The following CSMD1 variants were observed in gnomAD, a reference collection of about 807,000 sequenced individuals.
The protein encoded by CSMD1 is CUB and Sushi multiple domains 1.
In CSMD1, 213 loss-of-function variants were observed where a neutral mutation model predicts 417.5. The observed-to-expected ratio is 0.51, with a 90% CI of 0.46 to 0.57. The LOEUF is 0.57. Among genes scored for constraint, CSMD1 ranks in the 20% least tolerant of loss-of-function variants. CSMD1 has a pLI of 0.00. For missense variants in CSMD1, 6,923 were observed against 4,529.7 expected (o/e 1.53, Z -15.17); for synonymous variants, 2,862 against 1,736.8 (o/e 1.65, Z -16.11).
intron 3 of CSMD1, among the ~76,000 whole-genome samples, chr8:4,094,905 T>G (rs911433975): frequency 6.6e-6 from 1 of 152,142 alleles, no homozygotes; most frequent in South Asian, 2.1e-4. Flanking sequence ...AAGAGGATAC[T>G]GGAGAGACAT....
At chr8:4,527,881 C>T (rs1796601628) in intron 2 of CSMD1, among the ~76,000 whole-genome samples, 1 of 152,126 alleles carries the variant, frequency 6.6e-6, no homozygotes, top group Non-Finnish European at 1.5e-5. Context: ...TGAAATCAGA[C>T]TTAACAGGGG....
In CSMD1 at chr8:3,000,102, C is replaced by G; in HGVS notation, c.8059G>C (p.Val2687Leu). The change falls in exon 53 of 70, where the codon GTG (valine) becomes CTG (leucine). Residue 2687 changes from valine (V) to leucine (L), a missense_variant. By Grantham distance (32) the Val-to-Leu change is conservative (BLOSUM62 1). Coordinates refer to ENST00000635120, the MANE Select transcript of CSMD1 (RefSeq NM_033225.6). Reference sequence around the variant, plus strand: ...CCATCTCCACTAATGTGACCGTTCACAATCGGGTCTGGGGAACCGCAGTGG... The same window carrying G: ...CCATCTCCACTAATGTGACCGTTCAGAATCGGGTCTGGGGAACCGCAGTGG... Reference protein sequence around the residue: ...AGHCGSPDPIVNGHISGDGFS... With the variant: ...AGHCGSPDPILNGHISGDGFS... The G allele has an allele frequency of 6.4e-7, 1 of 1,571,432 alleles. No individual in the cohort carries two copies. Among genetic ancestry groups the G allele is most frequent in the Non-Finnish European group, 8.6e-7 (1 of 1,157,736 alleles).
At chr8:3,917,448 C>T (rs566370667) in intron 5 of CSMD1, among the ~76,000 whole-genome samples, 1 of 152,106 alleles carries the variant, frequency 6.6e-6, no homozygotes, top group African/African-American at 2.4e-5. Flanking sequence ...CACGCTCATG[C>T]GCGCACAAAT....
At chr8:3,303,975 G>A (rs17320105) in intron 25 of CSMD1, among the ~76,000 whole-genome samples, 32,540 of 150,512 alleles carry the variant, frequency 0.22, 3,919 homozygotes, top group Admixed American at 0.28. Flanking sequence ...TGGGGTATTC[G>A]ATTACCTCAA....
chr8:4,506,124 C>A (rs886842933), intron 2 of CSMD1, among the ~76,000 whole-genome samples: 3 of 152,170 alleles, frequency 2.0e-5, no homozygotes, highest in African/African-American at 7.2e-5. Flanking sequence ...GAGTTGCCAA[C>A]AGCCCAGTTA....
Position 3,018,595 on chromosome 8 carries a change from C to A in CSMD1, c.7911G>T (p.Leu2637Phe). The change falls in exon 52 of 70, where the codon TTG (leucine) becomes TTT (phenylalanine). Residue 2637 changes from leucine to phenylalanine, a missense_variant. Transcript: ENST00000635120. ...FPPNGNKIGT[L>F]TVYGATAIFT... is the part of the protein sequence containing the mutation. ...ATATAGCTGTGGCCCCATAAACTGT[C>A]AACGTTCCAATCTTGTTGCCATTTG... is the stretch of plus-strand genomic sequence containing the variant. The A allele has an allele frequency of 6.2e-7, 1 of 1,613,538 alleles. No homozygotes were observed. Among genetic ancestry groups the A allele is most frequent in the Non-Finnish European group, 8.5e-7 (1 of 1,179,782 alleles).
rs1485726895 is a variant in CSMD1, at chr8:4,530,191, GCA to G, written c.302+107149_302+107150del. Reference sequence around the variant, plus strand: ...GCCTCCCAAAGTGCTAGGATTACAGGCACGAGCCACCGCGCCAGGCCTGCCAT... The same window carrying G: ...GCCTCCCAAAGTGCTAGGATTACAGGCGAGCCACCGCGCCAGGCCTGCCAT... On this transcript the variant is annotated intron_variant, in intron 2 of 69. Transcript: ENST00000635120. Among the ~76,000 whole-genome samples, 3 of 151,874 alleles carry G rather than the reference GCA, an allele frequency of 2.0e-5. No homozygotes were observed. The East Asian group carries it at 5.8e-4, about 29-fold the overall frequency.
intron 5 of CSMD1, among the ~76,000 whole-genome samples, chr8:3,781,127 T>A (rs1225888561): frequency 6.6e-6 from 1 of 152,162 alleles, no homozygotes; most frequent in East Asian, 1.9e-4. Context: ...CACCTTCAGC[T>A]TTGGAGTTCA....
At position 2,954,208 on chromosome 8, in the gene CSMD1, G is replaced by C. The variant is rs772358908; in HGVS notation, c.10039+16C>G. The C allele has an allele frequency of 5.5e-6, 8 of 1,447,984 alleles. No individual in the cohort carries two copies. In the South Asian group the frequency reaches 1.0e-4, roughly 18 times the overall value. The allele number at this position is 1,447,984 out of a possible 1,614,324, so 89.7% of individuals were successfully genotyped here. A position where few individuals can be genotyped will look rare whatever the true frequency, so the allele number is the denominator to read the frequency against. The stretch of plus-strand genomic sequence containing the variant: ...CTTTATTGGATTGAAATCTAGAACT[G>C]TTCTGGTATACAAACCTGGAGTTTT... On this transcript the variant is annotated intron_variant, in intron 65 of 69. Transcript: ENST00000635120.
intron 8 of CSMD1, among the ~76,000 whole-genome samples, chr8:3,602,835 G>T (rs954719909): frequency 6.6e-6 from 1 of 151,864 alleles, no homozygotes; most frequent in Admixed American, 6.6e-5. Context: ...ATGACAAACT[G>T]GGCTTTTGTT....
chr8:4,050,108 G>A (rs1314047069), intron 3 of CSMD1, among the ~76,000 whole-genome samples: 2 of 152,166 alleles, frequency 1.3e-5, no homozygotes, highest in Non-Finnish European at 1.5e-5. Flanking sequence ...GGGTTGTTGG[G>A]AAGATCACAG....
intron 1 of CSMD1, among the ~76,000 whole-genome samples, chr8:4,726,673 G>C (rs1196246094): frequency 6.6e-6 from 1 of 152,126 alleles, no homozygotes; most frequent in Non-Finnish European, 1.5e-5. Flanking sequence ...CTGTTGCTCT[G>C]CTGCTGTCCT....
chr8:3,446,442 A>G (rs1178817505), intron 12 of CSMD1, among the ~76,000 whole-genome samples: 2 of 152,232 alleles, frequency 1.3e-5, no homozygotes, highest in Non-Finnish European at 2.9e-5. Flanking sequence ...AAACTCAGTT[A>G]TGATTCCTAC....
At chr8:3,528,648 ATTC>A (rs777932303) in intron 10 of CSMD1, among the ~76,000 whole-genome samples, 1 of 152,204 alleles carries the variant, frequency 6.6e-6, no homozygotes. Context: ...ATGTCTTGAA[ATTC>A]TTCTTGATTT....
At chr8:4,510,417 A>AAAAAAAAAAAAAAAAAAAG (rs1802757327) in intron 2 of CSMD1, among the ~76,000 whole-genome samples, 5 of 110,088 alleles carry the variant, frequency 4.5e-5, no homozygotes, top group Admixed American at 9.7e-5. Context: ...AAAAAAAAAA[A>AAAAAAAAAAAAAAAAAAAG]AAAAAGCAAA....
At chr8:2,979,803 G>C (rs1008478640) in intron 54 of CSMD1, among the ~76,000 whole-genome samples, 2 of 152,184 alleles carry the variant, frequency 1.3e-5, no homozygotes, top group African/African-American at 2.4e-5. Flanking sequence ...ACAGAAGAAA[G>C]TCTTGAGTTC....
chr8:4,092,724 A>G (rs10216840), intron 3 of CSMD1, among the ~76,000 whole-genome samples: 24,248 of 152,070 alleles, frequency 0.16, 2,048 homozygotes, highest in South Asian at 0.34. Context: ...AATTTTGACA[A>G]CTTTTTAACT....
intron 30 of CSMD1, among the ~76,000 whole-genome samples, chr8:3,212,921 C>T (rs930910005): frequency 9.9e-5 from 15 of 150,950 alleles, no homozygotes; most frequent in Non-Finnish European, 1.6e-4. Context: ...CTCTGCCTCC[C>T]GGGTTCAAGC....
intron 30 of CSMD1, among the ~76,000 whole-genome samples, chr8:3,208,036 C>A (rs1212239621): frequency 6.6e-6 from 1 of 152,106 alleles, no homozygotes; most frequent in Admixed American, 6.6e-5. Flanking sequence ...TCAGACCTAT[C>A]TTTCCTTTTC....
Sources: gnomAD v4.1 joint callset for allele counts (sites outside exome capture counted in the v4.1 genomes callset) on GRCh38, gnomAD v4.1.1 for gene constraint, MANE v1.5 for transcripts, NCBI Gene and HGNC (gene_info 2026-07-23, HGNC 2026-07-21) for gene names.